The following ZNF726 variants were observed in gnomAD, a reference collection of about 807,000 sequenced individuals.
The protein encoded by ZNF726 is zinc finger protein 726, also known as zinc finger protein 92 pseudogene 3.
A neutral mutation model predicts 11.6 loss-of-function variants in ZNF726; 15 were observed. That is an observed-to-expected ratio of 1.29 (90% confidence interval 0.86 to 1.99). The LOEUF (loss-of-function observed/expected upper bound fraction) is 1.99. Ranked by LOEUF, ZNF726 falls within the 30% of genes most tolerant of loss-of-function variation. ZNF726 has a pLI of 0.00. For missense variants in ZNF726, 890 were observed against 725.6 expected, an observed-to-expected ratio of 1.23 and a Z score of -2.60; for synonymous variants, 295 against 243.6, an observed-to-expected ratio of 1.21 and a Z score of -1.96.
In ZNF726 at chr19:23,933,309, A is replaced by G. The variant is rs560789777; in HGVS notation, c.1193A>G (p.Lys398Arg). ...KRIHTGEKPY[K>R]CEECGKAFHR... is the part of the protein sequence containing the mutation. ...ATTCACACTGGAGAGAAACCCTACA[A>G]ATGTGAAGAATGTGGCAAAGCTTTT... is the stretch of plus-strand genomic sequence containing the variant. Residue 398 changes from lysine (K) to arginine (R), a missense_variant, in exon 4 of 4, where the codon AAA (lysine) becomes AGA (arginine). Lys to Arg is a conservative substitution (Grantham distance 26). Transcript: ENST00000594466. 3.4e-4 allele frequency: 548 copies of G among 1,613,584 alleles called. 1 individual carries two copies. In the African/African-American group the frequency reaches 6.7e-3, roughly 20 times the overall value.
At chr19:23,936,288 G>A (rs1165564272), downstream of ZNF726, 1 of 152,144 alleles carries the variant, frequency 6.6e-6, no homozygotes, top group Non-Finnish European at 1.5e-5. Flanking sequence ...TCAGTGCTGA[G>A]TATAGGAAAT....
At chr19:23,915,979 T>G (rs1020717271) in intron 1 of ZNF726, among the ~76,000 whole-genome samples, 1 of 152,248 alleles carries the variant, frequency 6.6e-6, no homozygotes, top group South Asian at 2.1e-4. Flanking sequence ...GCCTGAATTT[T>G]GTTTCTGCCA....
chr19:23,924,891 T>TA (rs36063435), intron 3 of ZNF726, among the ~76,000 whole-genome samples: 1,499 of 147,096 alleles, frequency 0.01, 15 homozygotes, highest in Non-Finnish European at 0.015. Flanking sequence ...GACCTTGTCT[T>TA]AAAAAAAAAA....
At chr19:23,937,293 CA>C (rs1364158463), downstream of ZNF726, among the ~76,000 whole-genome samples, 1 of 151,866 alleles carries the variant, frequency 6.6e-6, no homozygotes, top group Non-Finnish European at 1.5e-5. Flanking sequence ...CTGACCCCCC[CA>C]CCTCCCTTCC....
At chr19:23,918,116 G>A (rs941496272) in intron 1 of ZNF726, among the ~76,000 whole-genome samples, 34 of 152,122 alleles carry the variant, frequency 2.2e-4, no homozygotes, top group African/African-American at 8.2e-4. Context: ...CCTTGTGACG[G>A]GAGGGGTAAT....
At chr19:23,929,292 G>T (rs946821397) in intron 3 of ZNF726, 5 of 152,048 alleles carry the variant, frequency 3.3e-5, no homozygotes, top group African/African-American at 1.2e-4. Flanking sequence ...TAATCATCTT[G>T]TGTATTCGTC....
In ZNF726 at chr19:23,932,529, CA is replaced by C. The variant is rs763314372; in HGVS notation, c.415del (p.Thr139LeufsTer13). On this transcript the variant is annotated frameshift_variant, in exon 4 of 4. Coordinates refer to ENST00000594466, the MANE Select transcript of ZNF726 (RefSeq NM_001244038.2). LOFTEE classifies it low-confidence loss of function (END_TRUNC). Reference protein sequence around the residue: ...EGYNGLNQCFTTTQGKASQCG... With the variant: ...EGYNGLNQCFXTTQGKASQCG... ...TATAATGGACTTAACCAGTGTTTCA[CA>C]ACTACCCAGGGCAAAGCTTCTCAAT... is the stretch of plus-strand genomic sequence containing the variant. The C allele has an allele frequency of 3.8e-5, 61 of 1,585,134 alleles. No individual in the cohort carries two copies. The South Asian group carries it at 6.4e-4, about 17-fold the overall frequency.
At chr19:23,935,216 C>T (rs1163285908), downstream of ZNF726, 1 of 444,230 alleles carries the variant, frequency 2.3e-6, no homozygotes, top group South Asian at 1.6e-5. Context: ...GCAGGTTTCC[C>T]ATGGAATGTG....
intron 3 of ZNF726, 132 bp from the exon 4 acceptor site, chr19:23,932,211 A>G (rs372202216): frequency 1.7e-6 from 1 of 588,106 alleles, no homozygotes; most frequent in Admixed American, 4.1e-5. Context: ...AATGTCTATG[A>G]AAGAATTAGG....
chr19:23,930,182 A>G (rs901497447), intron 3 of ZNF726, among the ~76,000 whole-genome samples: 1 of 152,166 alleles, frequency 6.6e-6, no homozygotes, highest in Non-Finnish European at 1.5e-5. Context: ...TCATCTTTTT[A>G]AAGAGAAATA....
chr19:23,932,386 C>T lies in ZNF726; in HGVS notation c.270C>T (p.Gly90=), dbSNP rs756833398. 1.2e-5 allele frequency: 18 copies of T among 1,504,872 alleles called. No individual in the cohort carries two copies. Among genetic ancestry groups the T allele is most frequent in the Admixed American group, 1.1e-4 (5 of 44,082 alleles). 93.2% of individuals were successfully genotyped at this position (1,504,872 alleles called of 1,614,324 possible). Reference sequence around the variant, plus strand: ...CTCAAGACATTTGGCCAGAGCAGGGCGTGGAAGATTCTTTTCAAAAAGTAA... The same window carrying T: ...CTCAAGACATTTGGCCAGAGCAGGGTGTGGAAGATTCTTTTCAAAAAGTAA... ...HFAQDIWPEQ[G]VEDSFQKVIL... Residue 90 remains glycine, a synonymous_variant, in exon 4 of 4, where the codon GGC becomes GGT. Transcript: ENST00000594466.
chr19:23,921,696 AATG>A (rs1967855856), intron 3 of ZNF726, among the ~76,000 whole-genome samples: 1 of 152,128 alleles, frequency 6.6e-6, no homozygotes, highest in South Asian at 2.1e-4. Flanking sequence ...AAGTGTATGG[AATG>A]ATAACTTATA....
chr19:23,923,334 T>C, intron 3 of ZNF726: 1 of 375,820 alleles, frequency 2.7e-6, no homozygotes, highest in African/African-American at 2.3e-5. Flanking sequence ...ATTAAAAGTT[T>C]CTCATTAGCA....
intron 3 of ZNF726, among the ~76,000 whole-genome samples, chr19:23,942,574 C>T (rs1968355498): frequency 6.6e-6 from 1 of 152,084 alleles, no homozygotes; most frequent in South Asian, 2.1e-4. Flanking sequence ...GTCCCTCCCT[C>T]TTATGGTATT....
At chr19:23,939,862 A>ATTTTTTTTTTGTTTTTT (rs1968308958) in intron 3 of ZNF726, among the ~76,000 whole-genome samples, 1 of 87,154 alleles carries the variant, frequency 1.1e-5, no homozygotes, top group African/African-American at 4.6e-5. Context: ...TTTTGATGGG[A>ATTTTTTTTTTGTTTTTT]TTTTTTTTTT....
Position 23,925,964 on chromosome 19 carries a change from C to T in ZNF726, c.226+5882C>T, listed in dbSNP as rs79812059. ...ACACCTGTCCTCGTGATCCGCCTGC[C>T]TCTGCCTTTCAGTGTGCTGCAATTA... On this transcript the variant is annotated intron_variant, in intron 3 of 3. Transcript: ENST00000594466. Among the ~76,000 whole-genome samples the T allele has an allele frequency of 2.8e-3, 430 of 152,116 alleles. 18 individuals carry two copies. The East Asian group carries it at 0.072, about 25-fold the overall frequency.
intron 3 of ZNF726, among the ~76,000 whole-genome samples, chr19:23,943,175 C>T (rs1968365370): frequency 6.6e-6 from 1 of 152,118 alleles, no homozygotes; most frequent in Admixed American, 6.5e-5. Flanking sequence ...TGTGCACCAC[C>T]ACGCCCAGCT....
chr19:23,925,911 T>C (rs1967975883), intron 3 of ZNF726, among the ~76,000 whole-genome samples: 1 of 151,900 alleles, frequency 6.6e-6, no homozygotes, highest in African/African-American at 2.4e-5. Flanking sequence ...GAGACAGAGT[T>C]TCACCATGTT....
intron 3 of ZNF726, among the ~76,000 whole-genome samples, chr19:23,925,515 A>G (rs1402286318): frequency 1.3e-5 from 2 of 152,092 alleles, no homozygotes; most frequent in African/African-American, 4.8e-5. Flanking sequence ...TTATTGCATC[A>G]TCAACAGATT....
Sources: allele counts gnomAD v4.1 joint callset (sites outside exome capture counted in the v4.1 genomes callset), GRCh38; gene constraint gnomAD v4.1.1; transcripts MANE v1.5; gene names NCBI Gene and HGNC (gene_info 2026-07-23, HGNC 2026-07-21).